Variants in FAM204A observed in about 807,000 individuals in gnomAD.
FAM204A encodes protein FAM204A.
Under a neutral mutation model 35.4 loss-of-function variants are expected in FAM204A, and 16 were observed. The ratio of observed to expected loss-of-function variants is 0.45; its 90% CI spans 0.31 to 0.69. FAM204A has a LOEUF of 0.69. Among genes scored for constraint, FAM204A ranks in the 30% least tolerant of loss-of-function variants. The probability of loss-of-function intolerance (pLI) is 0.07; values close to 1 mark genes in which losing one functional copy is unlikely to be tolerated. For missense variants in FAM204A, 240 were observed against 265.7 expected (o/e 0.90, Z 0.67); for synonymous variants, 76 against 86.9 (o/e 0.88, Z 0.70).
At position 118,310,686 on chromosome 10, in the gene FAM204A, A is replaced by G; in HGVS notation, c.*171T>C. 1 of 598,848 alleles carries G rather than the reference A, an allele frequency of 1.7e-6. No homozygotes were observed. Among genetic ancestry groups the G allele is most frequent in the Non-Finnish European group, 2.9e-6 (1 of 348,084 alleles). 37.1% of individuals were successfully genotyped at this position (598,848 alleles called of 1,614,324 possible). A position where few individuals can be genotyped will look rare whatever the true frequency, so the allele number is the denominator to read the frequency against. ...AATGCTTCATTTTATTCACTTCAAT[A>G]GGACAAAGTCCTTAAAGAAAGACTG... On this transcript the variant is annotated 3_prime_UTR_variant, in exon 9 of 9. Transcript: ENST00000369183.
chr10:118,301,635 T>C lies in FAM204A; in HGVS notation c.*9222A>G, dbSNP rs528581824. On this transcript the variant is annotated 3_prime_UTR_variant, in exon 9 of 9. Transcript: ENST00000369183. ...CTTAGTGCCTTGCTTCCAAGACGTG[T>C]AGAAATGCAAGAATTGTCCAGAGAA... is the stretch of plus-strand genomic sequence containing the variant. 1.3e-5 allele frequency: 2 copies of C among 152,312 alleles called. No homozygotes were observed. Among genetic ancestry groups the C allele is most frequent in the South Asian group, 2.1e-4 (1 of 4,820 alleles). 9.4% of individuals were successfully genotyped at this position (152,312 alleles called of 1,614,324 possible).
intron 7 of FAM204A, among the ~76,000 whole-genome samples, chr10:118,312,914 G>C (rs1286334142): frequency 6.6e-6 from 1 of 152,144 alleles, no homozygotes; most frequent in Non-Finnish European, 1.5e-5. Flanking sequence ...GGGAGGAGTT[G>C]GCAGTTACAT....
At chr10:118,316,211 T>A (rs773055945) in intron 7 of FAM204A, among the ~76,000 whole-genome samples, 1 of 152,182 alleles carries the variant, frequency 6.6e-6, no homozygotes, top group East Asian at 1.9e-4. Flanking sequence ...TTCGAAACTC[T>A]GCATTAATAT....
rs774900025 is a variant in FAM204A, at chr10:118,336,217, C to G, written c.199G>C (p.Glu67Gln). ...ETESNVNAYE[E>Q]CPSGIPIDMW... ...TCTATGGGAATTCCAGAAGGACACT[C>G]TTCATAGGCATTTACATTTGACTCT... Residue 67 changes from glutamate to glutamine, a missense_variant, in exon 3 of 9, where the codon GAG (glutamate) becomes CAG (glutamine). This residue lies in a region of FAM204A where 232 missense variants were observed against 242.8 expected (regional missense o/e 0.96). Transcript: ENST00000369183. 5.6e-6 allele frequency: 9 copies of G among 1,613,864 alleles called. No homozygotes were observed. Among genetic ancestry groups the G allele is most frequent in the Non-Finnish European group, 5.9e-6 (7 of 1,179,792 alleles).
chr10:118,328,114 G>A (rs1277939043), intron 6 of FAM204A, among the ~76,000 whole-genome samples: 2 of 152,156 alleles, frequency 1.3e-5, no homozygotes, highest in African/African-American at 4.8e-5. Flanking sequence ...GAGTAAGACT[G>A]CTGTATGTCA....
At position 118,308,582 on chromosome 10, in the gene FAM204A, C is replaced by G. The variant is rs556732778; in HGVS notation, c.*2275G>C. 1.3e-5 allele frequency: 2 copies of G among 152,368 alleles called. No individual in the cohort carries two copies. The highest frequency in any genetic ancestry group is 4.1e-4 in the South Asian group (2 of 4,826). 9.4% of individuals were successfully genotyped at this position (152,368 alleles called of 1,614,324 possible). Reference sequence around the variant, plus strand: ...ATAACGTTTTAGAGCTTTCCACAACCCATGCCCAGAAAGGAGTGACGACTT... The same window carrying G: ...ATAACGTTTTAGAGCTTTCCACAACGCATGCCCAGAAAGGAGTGACGACTT... On this transcript the variant is annotated 3_prime_UTR_variant, in exon 9 of 9. Coordinates refer to ENST00000369183, the MANE Select transcript of FAM204A (RefSeq NM_022063.3).
intron 7 of FAM204A, among the ~76,000 whole-genome samples, chr10:118,319,563 T>C (rs548268129): frequency 6.6e-6 from 1 of 152,004 alleles, no homozygotes; most frequent in African/African-American, 2.4e-5. Context: ...CTACTTTTGA[T>C]ACACCGTGGT....
rs935248318 is a variant in FAM204A at position 118,302,450 on chromosome 10, T to C, written c.*8407A>G. ...GGAGCTGCATGAGTTACAAGGTTTT[T>C]AACTGCAAGAATTGTTGGAGCCACT... On this transcript the variant is annotated 3_prime_UTR_variant, in exon 9 of 9. Coordinates refer to ENST00000369183, the MANE Select transcript of FAM204A (RefSeq NM_022063.3). 6.6e-6 allele frequency: 1 copy of C among 152,262 alleles called. No individual in the cohort carries two copies. Among genetic ancestry groups the C allele is most frequent in the East Asian group, 1.9e-4 (1 of 5,200 alleles). 9.4% of individuals were successfully genotyped at this position (152,262 alleles called of 1,614,324 possible). A position where few individuals can be genotyped will look rare whatever the true frequency, so the allele number is the denominator to read the frequency against.
intron 7 of FAM204A, 125 bp from the exon 8 acceptor site, chr10:118,311,438 T>C (rs773001280): frequency 1.4e-5 from 10 of 731,408 alleles, no homozygotes; most frequent in Non-Finnish European, 2.2e-5. Flanking sequence ...AGAAATTCTA[T>C]GTTCATTCCT....
intron 6 of FAM204A, among the ~76,000 whole-genome samples, chr10:118,329,845 C>T (rs960488497): frequency 1.3e-5 from 2 of 152,128 alleles, no homozygotes; most frequent in Non-Finnish European, 2.9e-5. Flanking sequence ...TGAAAGGACC[C>T]CACTCAAACT....
chr10:118,308,863 G>A lies in FAM204A; in HGVS notation c.*1994C>T, dbSNP rs1176462401. 2 of 149,982 alleles carry A rather than the reference G, an allele frequency of 1.3e-5. No individual in the cohort carries two copies. The highest frequency in any genetic ancestry group is 1.3e-4 in the Admixed American group (2 of 15,014). The allele number at this position is 149,982 out of a possible 1,614,324, so 9.3% of individuals were successfully genotyped here. On this transcript the variant is annotated 3_prime_UTR_variant, in exon 9 of 9. Transcript: ENST00000369183. The stretch of plus-strand genomic sequence containing the variant: ...AACATGCCTGCAGGGGTCACTAAAT[G>A]CTCTAAGGAGTAGAAACAGAAAAAA...
intron 7 of FAM204A, among the ~76,000 whole-genome samples, chr10:118,324,688 G>A (rs1177762011): frequency 6.6e-6 from 1 of 152,254 alleles, no homozygotes; most frequent in East Asian, 1.9e-4. Flanking sequence ...GGGTGGAGGG[G>A]AGAATGGGTA....
intron 7 of FAM204A, among the ~76,000 whole-genome samples, chr10:118,325,441 A>G (rs1589725320): frequency 6.6e-6 from 1 of 152,136 alleles, no homozygotes; most frequent in East Asian, 1.9e-4. Flanking sequence ...GAAGGAGGGA[A>G]GGATCAAGGC....
intron 7 of FAM204A, among the ~76,000 whole-genome samples, chr10:118,323,266 T>C (rs1178477561): frequency 6.6e-6 from 1 of 152,114 alleles, no homozygotes; most frequent in African/African-American, 2.4e-5. Context: ...ATACTCTATG[T>C]CCCTGCTGGT....
At chr10:118,319,809 T>C (rs1055671952) in intron 7 of FAM204A, among the ~76,000 whole-genome samples, 1 of 151,962 alleles carries the variant, frequency 6.6e-6, no homozygotes, top group Non-Finnish European at 1.5e-5. Flanking sequence ...ATGATTACTC[T>C]TTGTAGCTTG....
chr10:118,337,522 T>G (rs1318872781), intron 2 of FAM204A, among the ~76,000 whole-genome samples: 2 of 152,180 alleles, frequency 1.3e-5, no homozygotes, highest in African/African-American at 4.8e-5. Context: ...TCCTTCCAGG[T>G]CCAAAGAATC....
rs1047407943 is a variant in FAM204A, at chr10:118,299,622, T to A, written c.*11235A>T. ...TCTTGAACTCCTAGGCTCAAGCAGC[T>A]CTCCCTCCTCGGCCTCCCAAAGTGC... On this transcript the variant is annotated 3_prime_UTR_variant, in exon 9 of 9. Transcript: ENST00000369183. The A allele has an allele frequency of 1.3e-5, 2 of 152,070 alleles. No homozygotes were observed. The highest frequency in any genetic ancestry group is 4.8e-5 in the African/African-American group (2 of 41,290). 9.4% of individuals were successfully genotyped at this position (152,070 alleles called of 1,614,324 possible). A position where few individuals can be genotyped will look rare whatever the true frequency, so the allele number is the denominator to read the frequency against.
At chr10:118,339,011 T>C (rs556553151) in intron 2 of FAM204A, among the ~76,000 whole-genome samples, 2 of 152,334 alleles carry the variant, frequency 1.3e-5, no homozygotes. Context: ...TGATAATTTC[T>C]TGAGTGTACC....
intron 2 of FAM204A, among the ~76,000 whole-genome samples, chr10:118,340,237 A>G (rs1207526312): frequency 5.9e-5 from 9 of 152,218 alleles, no homozygotes; most frequent in Non-Finnish European, 1.3e-4. Context: ...AGTAGACACA[A>G]TCTTTCAAAA....
Sources: gnomAD v4.1 joint callset for allele counts (sites outside exome capture counted in the v4.1 genomes callset) on GRCh38, gnomAD v4.1.1 for gene constraint, gnomAD v4.1.1 regional missense constraint, MANE v1.5 for transcripts, NCBI Gene and HGNC (gene_info 2026-07-23, HGNC 2026-07-21) for gene names.